Variants in RARB observed in about 807,000 individuals in gnomAD.
RARB encodes retinoic acid receptor beta.
Under a neutral mutation model 51.9 loss-of-function variants are expected in RARB, and 17 were observed. The observed-to-expected ratio is 0.33, with a 90% CI of 0.22 to 0.49. The LOEUF is 0.49. Ranked by LOEUF, RARB falls within the 20% of genes least tolerant of loss-of-function variation. The pLI is 0.99. For synonymous variants in RARB, 215 were observed against 195.4 expected (o/e 1.10, Z -0.84); for missense variants, 369 against 550.8 (o/e 0.67, Z 3.30).
At chr3:25,320,558 A>G (rs540530399) in intron 5 of RARB, among the ~76,000 whole-genome samples, 11 of 152,146 alleles carry the variant, frequency 7.2e-5, no homozygotes, top group African/African-American at 2.6e-4. Flanking sequence ...CCCTTCTGCC[A>G]TTTTCTTGCA....
At chr3:25,585,593 G>A (rs556953550) in intron 5 of RARB, among the ~76,000 whole-genome samples, 11 of 152,314 alleles carry the variant, frequency 7.2e-5, no homozygotes, top group South Asian at 2.1e-4. Context: ...TATCAGCCCC[G>A]TGGGCAAATG....
At chr3:25,349,573 T>C (rs939366047) in intron 5 of RARB, among the ~76,000 whole-genome samples, 1 of 152,160 alleles carries the variant, frequency 6.6e-6, no homozygotes, top group Admixed American at 6.6e-5. Flanking sequence ...AGAACGTATT[T>C]TTCCTGTATT....
intron 2 of RARB, among the ~76,000 whole-genome samples, chr3:24,965,794 A>G (rs1258971695): frequency 2.0e-5 from 3 of 152,138 alleles, no homozygotes; most frequent in African/African-American, 7.2e-5. Flanking sequence ...TGGAAATGTC[A>G]CTTTAGCTGA....
intron 5 of RARB, among the ~76,000 whole-genome samples, chr3:25,296,112 C>T (rs1016724903): frequency 6.6e-6 from 1 of 151,984 alleles, no homozygotes; most frequent in African/African-American, 2.4e-5. Flanking sequence ...AGAATGAGCC[C>T]TAGGGACATC....
At chr3:24,853,203 G>C (rs1702585061) in intron 1 of RARB, among the ~76,000 whole-genome samples, 1 of 151,628 alleles carries the variant, frequency 6.6e-6, no homozygotes, top group Admixed American at 6.6e-5. Context: ...TGTAGTCCCA[G>C]CTACTGGGGA....
At chr3:25,234,773 A>G (rs1256450151) in intron 5 of RARB, among the ~76,000 whole-genome samples, 2 of 152,118 alleles carry the variant, frequency 1.3e-5, no homozygotes, top group Non-Finnish European at 2.9e-5. Context: ...GTGGAAGCAC[A>G]AGAGTAAATA....
intron 5 of RARB, among the ~76,000 whole-genome samples, chr3:25,389,258 A>T (rs1042651193): frequency 6.6e-6 from 1 of 152,064 alleles, no homozygotes; most frequent in Non-Finnish European, 1.5e-5. Flanking sequence ...TTAGATGGTA[A>T]TCATTTTGGA....
At chr3:25,314,030 C>G (rs1169490928) in intron 5 of RARB, among the ~76,000 whole-genome samples, 2 of 151,904 alleles carry the variant, frequency 1.3e-5, no homozygotes, top group Admixed American at 6.6e-5. Flanking sequence ...ATGATCACAC[C>G]ACTGCACTCC....
chr3:25,353,961 A>G (rs1431695233), intron 5 of RARB, among the ~76,000 whole-genome samples: 1 of 152,092 alleles, frequency 6.6e-6, no homozygotes, highest in African/African-American at 2.4e-5. Flanking sequence ...CTATATGTTC[A>G]TGCATTTTTC....
At chr3:25,395,568 C>T (rs2125490410) in intron 5 of RARB, among the ~76,000 whole-genome samples, 1 of 152,188 alleles carries the variant, frequency 6.6e-6, no homozygotes, top group African/African-American at 2.4e-5. Context: ...TAACATAATC[C>T]TACATTTCTT....
At chr3:25,209,668 C>T (rs201598376) in intron 5 of RARB, among the ~76,000 whole-genome samples, 2 of 152,180 alleles carry the variant, frequency 1.3e-5, no homozygotes, top group East Asian at 3.9e-4. Flanking sequence ...GAGCAGACCT[C>T]AGTTTTATGT....
intron 5 of RARB, among the ~76,000 whole-genome samples, chr3:25,203,025 G>A (rs1381718994): frequency 6.6e-6 from 1 of 152,184 alleles, no homozygotes; most frequent in Non-Finnish European, 1.5e-5. Context: ...GTCTAATGCT[G>A]ACAGTGGGGT....
At chr3:25,476,372 A>G (rs532474901) in intron 2 of RARB, among the ~76,000 whole-genome samples, 5 of 152,192 alleles carry the variant, frequency 3.3e-5, no homozygotes, top group Admixed American at 2.6e-4. Flanking sequence ...CCCCAGCAAT[A>G]TCAAACTCTT....
intron 5 of RARB, among the ~76,000 whole-genome samples, chr3:25,318,578 G>C (rs1281036833): frequency 6.6e-6 from 1 of 152,156 alleles, no homozygotes; most frequent in Non-Finnish European, 1.5e-5. Context: ...AAGCAAGAGT[G>C]TCATTACACT....
At chr3:25,330,954 C>T (rs528591608) in intron 5 of RARB, among the ~76,000 whole-genome samples, 29 of 152,298 alleles carry the variant, frequency 1.9e-4, no homozygotes, top group African/African-American at 6.3e-4. Context: ...GTGAAGGGAT[C>T]AATTCAACAA....
rs1329554534 is a variant in RARB at position 25,172,897 on chromosome 3, G to GA, written c.-279-1213dup. 5.3e-3 allele frequency among the ~76,000 whole-genome samples: 806 copies of GA among 150,792 alleles called. 5 individuals are homozygous for GA. Among genetic ancestry groups the GA allele is most frequent in the African/African-American group, 0.018 (746 of 41,118 alleles). On this transcript the variant is annotated intron_variant, in intron 4 of 11. Coordinates refer to the RARB transcript ENST00000383772. Reference sequence around the variant, plus strand: ...AAATTCTATTATTCTTATTTTACAGGAAAAAAAAATAACATTGAAAGGACA... The same window carrying GA: ...AAATTCTATTATTCTTATTTTACAGGAAAAAAAAAATAACATTGAAAGGACA...
At chr3:25,202,991 GTTA>G (rs1425351104) in intron 5 of RARB, among the ~76,000 whole-genome samples, 2 of 152,178 alleles carry the variant, frequency 1.3e-5, no homozygotes, top group Non-Finnish European at 2.9e-5. Flanking sequence ...GGATATCCTT[GTTA>G]ACTTTCTGTC....
intron 2 of RARB, among the ~76,000 whole-genome samples, chr3:24,871,695 C>T (rs73047624): frequency 0.018 from 2,733 of 152,260 alleles, 35 homozygotes; most frequent in Middle Eastern, 0.085. Context: ...TAGTACATAT[C>T]TCAAATTTAA....
At chr3:25,170,506 G>T (rs768114078) in intron 4 of RARB, among the ~76,000 whole-genome samples, 6 of 152,128 alleles carry the variant, frequency 3.9e-5, no homozygotes, top group Non-Finnish European at 5.9e-5. Flanking sequence ...GATGTTGCCA[G>T]CTGAGGGACC....
Sources: allele counts gnomAD v4.1 joint callset (sites outside exome capture counted in the v4.1 genomes callset), GRCh38; gene constraint gnomAD v4.1.1; transcripts MANE v1.5; gene names NCBI Gene and HGNC (gene_info 2026-07-23, HGNC 2026-07-21).